Variants in WDPCP observed in about 807,000 individuals in gnomAD.
WDPCP encodes WD repeat-containing and planar cell polarity effector protein fritz homolog.
Under a neutral mutation model 93.1 loss-of-function variants are expected in WDPCP, and 71 were observed. The ratio of observed to expected loss-of-function variants is 0.76; its 90% CI spans 0.63 to 0.93. WDPCP has a LOEUF of 0.93. WDPCP is among the 40% of genes least tolerant of loss of function. WDPCP has a pLI of 0.00. For missense variants in WDPCP, 844 were observed against 887.4 expected (o/e 0.95, Z 0.62); for synonymous variants, 315 against 315.0 (o/e 1.00, Z 0.00).
upstream of WDPCP, chr2:63,589,486 G>T (rs1003029681): frequency 1.7e-6 from 2 of 1,180,362 alleles, no homozygotes; most frequent in South Asian, 1.3e-5. Context: ...AAAGCAAAAA[G>T]CTGGAAAGGT....
Position 63,244,003 on chromosome 2 carries a change from G to GA in WDPCP, c.1915+15303dup, listed in dbSNP as rs554230019. ...GGCCATAAAGCAAGTCTCAATAAAT[G>GA]AAAAAAAAAATTAAAATCATACCAA... On this transcript the variant is annotated intron_variant, in intron 14 of 17. Transcript: ENST00000272321. Among the ~76,000 whole-genome samples the GA allele has an allele frequency of 1.8e-4, 26 of 148,082 alleles. No homozygotes were observed. In the South Asian group the frequency reaches 2.1e-3, roughly 12 times the overall value.
chr2:63,706,880 T>C (rs1044557841), intron 2 of WDPCP, among the ~76,000 whole-genome samples: 2 of 152,024 alleles, frequency 1.3e-5, no homozygotes, highest in Non-Finnish European at 2.9e-5. Flanking sequence ...CCTCCCAAAG[T>C]GCTGGGATTA....
Position 63,486,699 on chromosome 2 carries a change from C to T in WDPCP, c.209-113G>A, listed in dbSNP as rs1405886920. On this transcript the variant is annotated intron_variant, in intron 3 of 17. Transcript: ENST00000272321. Reference sequence around the variant, plus strand: ...TATAAGGTATTATTAACATTACATGCATTATTGAGATTAATAAATTATGCT... The same window carrying T: ...TATAAGGTATTATTAACATTACATGTATTATTGAGATTAATAAATTATGCT... The T allele has an allele frequency of 4.6e-5, 40 of 865,988 alleles. No individual in the cohort carries two copies. In the Admixed American group the frequency reaches 1.1e-3, roughly 23 times the overall value. 53.6% of individuals were successfully genotyped at this position (865,988 alleles called of 1,614,324 possible).
chr2:63,723,329 C>T (rs1034537381), intron 2 of WDPCP, among the ~76,000 whole-genome samples: 2 of 151,392 alleles, frequency 1.3e-5, no homozygotes, highest in South Asian at 2.1e-4. Context: ...TTCTCACCCT[C>T]ATATTTGGCT....
chr2:63,245,280 A>C (rs1680183963), intron 14 of WDPCP, among the ~76,000 whole-genome samples: 1 of 152,150 alleles, frequency 6.6e-6, no homozygotes, highest in South Asian at 2.1e-4. Context: ...TGTATTACTC[A>C]CTGTGTCGTT....
At chr2:63,626,772 T>G (rs1037448246) in intron 3 of WDPCP, among the ~76,000 whole-genome samples, 1 of 152,108 alleles carries the variant, frequency 6.6e-6, no homozygotes, top group Non-Finnish European at 1.5e-5. Context: ...TTGTTGCCAT[T>G]CCTCAAGGAT....
chr2:63,801,447 T>C (rs1670692191), intron 2 of WDPCP, among the ~76,000 whole-genome samples: 2 of 152,140 alleles, frequency 1.3e-5, no homozygotes, highest in Non-Finnish European at 2.9e-5. Flanking sequence ...GCAAGATTTA[T>C]CATGAAGAGC....
chr2:63,272,268 C>T (rs1177400201), intron 13 of WDPCP, among the ~76,000 whole-genome samples: 1 of 152,178 alleles, frequency 6.6e-6, no homozygotes, highest in East Asian at 1.9e-4. Flanking sequence ...AATCATATGA[C>T]AACTACATGA....
intron 1 of WDPCP, among the ~76,000 whole-genome samples, chr2:63,526,055 CTGTGTGTG>C (rs34946446): frequency 1.3e-5 from 2 of 148,834 alleles, no homozygotes; most frequent in East Asian, 2.0e-4. Context: ...GCTGTTGCTA[CTGTGTGTG>C]TGTGTGTGTG....
At chr2:63,601,977 G>C (rs1054825106) in intron 3 of WDPCP, among the ~76,000 whole-genome samples, 7 of 152,112 alleles carry the variant, frequency 4.6e-5, no homozygotes, top group Non-Finnish European at 1.0e-4. Context: ...ATTGAACAGC[G>C]TGCCACTCTA....
At chr2:63,535,102 C>T (rs1190475177) in intron 1 of WDPCP, among the ~76,000 whole-genome samples, 2 of 152,058 alleles carry the variant, frequency 1.3e-5, no homozygotes, top group Non-Finnish European at 2.9e-5. Context: ...GAGTGAACTC[C>T]CATTCACAAT....
chr2:63,236,187 A>G (rs1433998510), intron 14 of WDPCP, among the ~76,000 whole-genome samples: 4 of 152,164 alleles, frequency 2.6e-5, no homozygotes, highest in Non-Finnish European at 5.9e-5. Context: ...TATCCCAATA[A>G]CGTTCAAGCT....
chr2:63,332,680 T>A (rs192700863), intron 12 of WDPCP, among the ~76,000 whole-genome samples: 1 of 152,336 alleles, frequency 6.6e-6, no homozygotes, highest in African/African-American at 2.4e-5. Flanking sequence ...ATATTCTCAG[T>A]TTGTGGCTTC....
intron 2 of WDPCP, among the ~76,000 whole-genome samples, chr2:63,704,626 C>G (rs1356584267): frequency 1.3e-5 from 2 of 152,124 alleles, no homozygotes; most frequent in African/African-American, 4.8e-5. Flanking sequence ...GTTGAACCAC[C>G]CTTGCATCCC....
At chr2:63,234,122 C>T (rs1011283114) in intron 14 of WDPCP, among the ~76,000 whole-genome samples, 2 of 152,140 alleles carry the variant, frequency 1.3e-5, no homozygotes, top group Non-Finnish European at 2.9e-5. Context: ...CTCCATCATA[C>T]AGTAAATACT....
chr2:63,381,091 A>G (rs1692263461), intron 11 of WDPCP, among the ~76,000 whole-genome samples: 1 of 152,074 alleles, frequency 6.6e-6, no homozygotes, highest in Non-Finnish European at 1.5e-5. Flanking sequence ...CTCATTCACC[A>G]TGATTTTCCA....
chr2:63,526,568 C>T (rs1703353952), intron 1 of WDPCP, among the ~76,000 whole-genome samples: 1 of 152,190 alleles, frequency 6.6e-6, no homozygotes, highest in Non-Finnish European at 1.5e-5. Flanking sequence ...TCCTCCATAG[C>T]TGACTATCCT....
intron 9 of WDPCP, among the ~76,000 whole-genome samples, chr2:63,431,667 T>TCACACA (rs374464274): frequency 6.6e-6 from 1 of 150,466 alleles, no homozygotes; most frequent in South Asian, 2.1e-4. Flanking sequence ...GATTATGTCT[T>TCACACA]CACACACACA....
intron 2 of WDPCP, among the ~76,000 whole-genome samples, chr2:63,739,738 C>G (rs1449765645): frequency 2.6e-5 from 4 of 151,936 alleles, no homozygotes; most frequent in Non-Finnish European, 1.5e-5. Flanking sequence ...TTGCCAGTAT[C>G]TGTTATTTTT....
Sources: gnomAD v4.1 joint callset for allele counts (sites outside exome capture counted in the v4.1 genomes callset) on GRCh38, gnomAD v4.1.1 for gene constraint, MANE v1.5 for transcripts, NCBI Gene and HGNC (gene_info 2026-07-23, HGNC 2026-07-21) for gene names.